The following FNBP1L variants were observed in gnomAD, a reference collection of about 807,000 sequenced individuals.
FNBP1L encodes formin binding protein 1 like.
A neutral mutation model predicts 91.2 loss-of-function variants in FNBP1L; 36 were observed. That is an observed-to-expected ratio of 0.39 (90% CI 0.30 to 0.52). The LOEUF (loss-of-function observed/expected upper bound fraction) is 0.52. Ranked by LOEUF, FNBP1L falls within the 20% of genes least tolerant of loss-of-function variation. FNBP1L has a pLI of 0.66. For synonymous variants in FNBP1L, 242 were observed against 237.0 expected (o/e 1.02, Z -0.19); for missense variants, 571 against 732.1 (o/e 0.78, Z 2.54).
chr1:93,459,049 T>G (rs1668768264), intron 1 of FNBP1L, among the ~76,000 whole-genome samples: 1 of 152,016 alleles, frequency 6.6e-6, no homozygotes, highest in Admixed American at 6.6e-5. Flanking sequence ...CCAAGGTGGG[T>G]GGATCCCTTG....
At chr1:93,550,502 G>A (rs934924408) in intron 15 of FNBP1L, among the ~76,000 whole-genome samples, 4 of 152,060 alleles carry the variant, frequency 2.6e-5, no homozygotes, top group Admixed American at 6.6e-5. Flanking sequence ...AGTCAAACCC[G>A]TATTTTTCTC....
rs186103511 is a variant in FNBP1L, at chr1:93,465,635, G to C, written c.24+17330G>C. Among the ~76,000 whole-genome samples, 13 of 152,292 alleles carry C rather than the reference G, an allele frequency of 8.5e-5. No individual in the cohort carries two copies. In the East Asian group the frequency reaches 2.3e-3, roughly 27 times the overall value. On this transcript the variant is annotated intron_variant, in intron 1 of 16. Coordinates refer to ENST00000271234, the MANE Select transcript of FNBP1L (RefSeq NM_001164473.3). The stretch of plus-strand genomic sequence containing the variant: ...ACATTTGGGTTGGTTCCAAGTCTTT[G>C]CTATTGTGAATAGTGCCACAGTAAA...
At chr1:93,493,719 A>G (rs1260682068) in intron 1 of FNBP1L, among the ~76,000 whole-genome samples, 1 of 152,184 alleles carries the variant, frequency 6.6e-6, no homozygotes, top group Non-Finnish European at 1.5e-5. Context: ...AAGGCTGAAT[A>G]ATATTAATTG....
intron 2 of FNBP1L, among the ~76,000 whole-genome samples, chr1:93,506,418 A>G (rs1054867432): frequency 2.0e-5 from 3 of 152,170 alleles, no homozygotes; most frequent in African/African-American, 7.2e-5. Flanking sequence ...TACAACTTTC[A>G]GAAAGGGATC....
chr1:93,523,432 C>T lies in FNBP1L; in HGVS notation c.283C>T (p.His95Tyr), dbSNP rs1298463587. The T allele has an allele frequency of 2.5e-6, 4 of 1,610,308 alleles. No homozygotes were observed. Among genetic ancestry groups the T allele is most frequent in the Admixed American group, 3.4e-5 (2 of 59,474 alleles). The change falls in exon 4 of 17, where the codon CAC becomes TAC. Residue 95 changes from histidine (H) to tyrosine (Y), a missense_variant. Transcript: ENST00000271234. Reference sequence around the variant, plus strand: ...AGAAGTTGTAGCAGAAGAAATGGCGCACAGAGTGTATGGTGAATTAATGAG... The same window carrying T: ...AGAAGTTGTAGCAGAAGAAATGGCGTACAGAGTGTATGGTGAATTAATGAG... ...QREVVAEEMA[H>Y]RVYGELMRYA...
At chr1:93,457,555 A>G (rs933340541) in intron 1 of FNBP1L, among the ~76,000 whole-genome samples, 1 of 152,076 alleles carries the variant, frequency 6.6e-6, no homozygotes, top group African/African-American at 2.4e-5. Flanking sequence ...AAGATTGGCA[A>G]ACATCCTCAG....
chr1:93,508,968 A>G (rs1670724235), intron 2 of FNBP1L, among the ~76,000 whole-genome samples: 1 of 152,212 alleles, frequency 6.6e-6, no homozygotes, highest in Non-Finnish European at 1.5e-5. Context: ...TCAATTTAAC[A>G]GCTTCAGCAG....
In FNBP1L at chr1:93,453,307, T is replaced by C. The variant is rs75982399; in HGVS notation, c.24+5002T>C. On this transcript the variant is annotated intron_variant, in intron 1 of 16. Transcript: ENST00000271234. ...ATCTGTTTATGTCACCATTCCATAA[T>C]GACTATAATAAGTTGGAAGCTAGAG... Among the ~76,000 whole-genome samples, 16 of 152,336 alleles carry C rather than the reference T, an allele frequency of 1.1e-4. No individual in the cohort carries two copies. The East Asian group carries it at 3.1e-3, about 29-fold the overall frequency.
chr1:93,465,893 G>A (rs912665016), intron 1 of FNBP1L, among the ~76,000 whole-genome samples: 26 of 152,084 alleles, frequency 1.7e-4, no homozygotes, highest in Admixed American at 8.5e-4. Flanking sequence ...AATGATTGCC[G>A]TTCCAAATGG....
intron 1 of FNBP1L, among the ~76,000 whole-genome samples, chr1:93,484,635 A>G (rs1477831000): frequency 6.6e-6 from 1 of 152,212 alleles, no homozygotes; most frequent in African/African-American, 2.4e-5. Context: ...TCCTGGCAGG[A>G]AGTAGTCTAG....
intron 1 of FNBP1L, among the ~76,000 whole-genome samples, chr1:93,469,742 G>C (rs758204126): frequency 6.6e-6 from 1 of 152,066 alleles, no homozygotes; most frequent in East Asian, 1.9e-4. Context: ...AGGCTGAGGC[G>C]GGAGGATCAC....
chr1:93,457,234 TA>T (rs1668702070), intron 1 of FNBP1L, among the ~76,000 whole-genome samples: 1 of 152,198 alleles, frequency 6.6e-6, no homozygotes, highest in African/African-American at 2.4e-5. Context: ...TTGTAGGTTT[TA>T]AAATTTCATA....
At chr1:93,473,193 G>A (rs958776143) in intron 1 of FNBP1L, among the ~76,000 whole-genome samples, 1 of 151,948 alleles carries the variant, frequency 6.6e-6, no homozygotes, top group Non-Finnish European at 1.5e-5. Flanking sequence ...AGATGGAAGT[G>A]TAAAGTAATT....
In FNBP1L at chr1:93,552,155, C is replaced by T. The variant is rs1672434466; in HGVS notation, c.1811-254C>T. ...TAGTTTCAGCAAGCGTTGTTGGAAA[C>T]ACTGTGCAGTCAAGGATTGTGCAGT... On this transcript the variant is annotated intron_variant, in intron 16 of 16. Transcript: ENST00000271234. 5.7e-6 allele frequency: 7 copies of T among 1,218,492 alleles called. No homozygotes were observed. The South Asian group carries it at 2.0e-4, about 35-fold the overall frequency. The allele number at this position is 1,218,492 out of a possible 1,614,324, so 75.5% of individuals were successfully genotyped here.
intron 9 of FNBP1L, 94 bp downstream of exon 9, chr1:93,535,002 A>T (rs903246963): frequency 1.1e-6 from 1 of 950,068 alleles, no homozygotes; most frequent in Non-Finnish European, 1.6e-6. Context: ...CCATTAATGG[A>T]GAATAAATAT....
intron 2 of FNBP1L, among the ~76,000 whole-genome samples, chr1:93,510,483 G>A (rs4378215): frequency 0.28 from 41,561 of 150,414 alleles, 4,860 homozygotes; most frequent in East Asian, 0.31. Flanking sequence ...AAGACCAAAA[G>A]TAGATAAAAC....
chr1:93,460,978 GTTTTC>G (rs1204244104), intron 1 of FNBP1L, among the ~76,000 whole-genome samples: 3 of 151,994 alleles, frequency 2.0e-5, no homozygotes, highest in African/African-American at 7.2e-5. Context: ...TTTATGTTTA[GTTTTC>G]TTATCTTTGC....
Position 93,516,610 on chromosome 1 carries a change from C to T in FNBP1L, c.141-5472C>T, listed in dbSNP as rs113796414. On this transcript the variant is annotated intron_variant, in intron 2 of 16. Coordinates refer to ENST00000271234, the MANE Select transcript of FNBP1L (RefSeq NM_001164473.3). ...GTGAGGTCAGGAGTTTGAGATCGGC[C>T]TGACTGACATGGTGAAACCCCGTCT... 2.9e-3 allele frequency among the ~76,000 whole-genome samples: 439 copies of T among 152,122 alleles called. 5 individuals are homozygous for T. The highest frequency in any genetic ancestry group is 0.01 in the African/African-American group (420 of 41,478).
intron 1 of FNBP1L, among the ~76,000 whole-genome samples, chr1:93,481,030 T>C (rs1431906485): frequency 6.6e-6 from 1 of 152,208 alleles, no homozygotes; most frequent in Non-Finnish European, 1.5e-5. Context: ...TCCTCCAATG[T>C]ATGATGTGAT....
Sources: gnomAD v4.1 joint callset for allele counts (sites outside exome capture counted in the v4.1 genomes callset) on GRCh38, gnomAD v4.1.1 for gene constraint, MANE v1.5 for transcripts, NCBI Gene and HGNC (gene_info 2026-07-23, HGNC 2026-07-21) for gene names.